Variants in VEPH1 observed in about 807,000 individuals in gnomAD.
VEPH1 encodes the protein ventricular zone expressed PH domain containing 1, also known as ventricular zone-expressed PH domain-containing protein homolog 1.
In VEPH1, 80 loss-of-function variants were observed where a neutral mutation model predicts 85.2. The ratio of observed to expected loss-of-function variants is 0.94; its 90% CI spans 0.78 to 1.13. The LOEUF is 1.13. Ranked by LOEUF, VEPH1 falls within the 50% of genes most tolerant of loss-of-function variation. The pLI is 0.00. For synonymous variants in VEPH1, 297 were observed against 348.0 expected, an observed-to-expected ratio of 0.85 and a Z score of 1.63; for missense variants, 955 against 980.5, an observed-to-expected ratio of 0.97 and a Z score of 0.35.
intron 4 of VEPH1, among the ~76,000 whole-genome samples, chr3:157,446,343 A>G (rs1167086920): frequency 1.3e-5 from 2 of 152,182 alleles, no homozygotes; most frequent in South Asian, 2.1e-4. Context: ...ATGTATGTAT[A>G]TATCTCCAGC....
Position 157,341,188 on chromosome 3 carries a change from G to A in VEPH1, c.1735+22176C>T, listed in dbSNP as rs191068739. ...AAGCTGGATGGAGAATGACTTTGAC[G>A]AGTTGAGAGAAGAAGGCTTCAGATG... On this transcript the variant is annotated intron_variant, in intron 9 of 13. Coordinates refer to ENST00000362010, the MANE Select transcript of VEPH1 (RefSeq NM_001167912.2). Among the ~76,000 whole-genome samples the A allele has an allele frequency of 4.1e-3, 629 of 152,322 alleles. 4 individuals carry two copies. The highest frequency in any genetic ancestry group is 0.014 in the African/African-American group (596 of 41,578).
At chr3:157,354,794 A>G (rs1003978715) in intron 9 of VEPH1, among the ~76,000 whole-genome samples, 3 of 152,104 alleles carry the variant, frequency 2.0e-5, no homozygotes, top group African/African-American at 7.2e-5. Flanking sequence ...TAGGGACTCA[A>G]ATTTTTGTTG....
intron 11 of VEPH1, among the ~76,000 whole-genome samples, chr3:157,310,384 A>G (rs75402792): frequency 8.6e-4 from 131 of 152,284 alleles, no homozygotes; most frequent in Non-Finnish European, 1.7e-3. Flanking sequence ...TCAAGTCTCA[A>G]AACAGTGCTA....
Position 157,495,241 on chromosome 3 carries a change from C to G in VEPH1, c.109G>C (p.Glu37Gln), listed in dbSNP as rs1345533480. Reference protein sequence around the residue: ...EIEDSLTEALEQIKIISSSSD... With the variant: ...EIEDSLTEALQQIKIISSSSD... Reference sequence around the variant, plus strand: ...GATGAGCTAATTATCTTAATTTGCTCCAAAGCTTCTGTAAGGCTGTCTTCA... The same window carrying G: ...GATGAGCTAATTATCTTAATTTGCTGCAAAGCTTCTGTAAGGCTGTCTTCA... The change falls in exon 2 of 14, where the codon GAG (glutamate) becomes CAG (glutamine). Residue 37 changes from glutamate to glutamine, a missense_variant. Physicochemically the swap from Glu to Gln is conservative, Grantham distance 29 (BLOSUM62 2). Coordinates refer to ENST00000362010, the MANE Select transcript of VEPH1 (RefSeq NM_001167912.2). 1 of 1,613,828 alleles carries G rather than the reference C, an allele frequency of 6.2e-7. No individual in the cohort carries two copies. The highest frequency in any genetic ancestry group is 8.5e-7 in the Non-Finnish European group (1 of 1,179,916).
At chr3:157,460,130 CT>C in intron 4 of VEPH1, 50 bp downstream of exon 4, 1 of 1,614,066 alleles carries the variant, frequency 6.2e-7, no homozygotes, top group Non-Finnish European at 8.5e-7. Context: ...GATGAAAATA[CT>C]TTTAAATATC....
At chr3:157,348,289 C>T (rs1012750017) in intron 9 of VEPH1, among the ~76,000 whole-genome samples, 1 of 152,110 alleles carries the variant, frequency 6.6e-6, no homozygotes, top group Non-Finnish European at 1.5e-5. Flanking sequence ...ATTGCTGGAT[C>T]GTATGGTAGT....
intron 11 of VEPH1, among the ~76,000 whole-genome samples, chr3:157,293,234 G>A (rs1717741681): frequency 4.6e-5 from 7 of 152,146 alleles, no homozygotes; most frequent in Admixed American, 4.6e-4. Flanking sequence ...AGGCAGCAGG[G>A]CACTGATGTG....
chr3:157,313,795 C>A, intron 10 of VEPH1, 40 bp from the exon 11 acceptor site: 1 of 1,609,704 alleles, frequency 6.2e-7, no homozygotes, highest in South Asian at 1.1e-5. Context: ...TATACTATGT[C>A]TTGTCCCAAT....
intron 6 of VEPH1, among the ~76,000 whole-genome samples, chr3:157,382,487 A>G (rs1427111709): frequency 6.6e-6 from 1 of 152,224 alleles, no homozygotes; most frequent in Non-Finnish European, 1.5e-5. Context: ...AGAAATAATG[A>G]TATACCATTA....
chr3:157,349,976 C>T (rs1006904958), intron 9 of VEPH1, among the ~76,000 whole-genome samples: 7 of 152,070 alleles, frequency 4.6e-5, no homozygotes, highest in African/African-American at 1.4e-4. Context: ...ACGGAGTCAC[C>T]ATCAAAATGC....
At position 157,495,327 on chromosome 3, in the gene VEPH1, A is replaced by T. The variant is rs1269369382; in HGVS notation, c.23T>A (p.Val8Asp). The T allele has an allele frequency of 2.5e-6, 4 of 1,613,882 alleles. No homozygotes were observed. The African/African-American group carries it at 5.3e-5, about 22-fold the overall frequency. MHQLFRL[V>D]LGQKDLSRAG... ...TCGTGAAAGATCTTTTTGTCCCAAA[A>T]CCAGTCTGAACAGTTGATGCATGGT... The change falls in exon 2 of 14, where the codon GTT becomes GAT. Residue 8 changes from valine to aspartate, a missense_variant. Physicochemically the swap from Val to Asp is radical, Grantham distance 152. Coordinates refer to ENST00000362010, the MANE Select transcript of VEPH1 (RefSeq NM_001167912.2).
At chr3:157,306,031 A>G (rs1719476683) in intron 11 of VEPH1, among the ~76,000 whole-genome samples, 1 of 152,186 alleles carries the variant, frequency 6.6e-6, no homozygotes, top group Non-Finnish European at 1.5e-5. Flanking sequence ...AGTCAAACCT[A>G]CCAATTCTTT....
In VEPH1 at chr3:157,364,351, C is replaced by G. The variant is rs755539373; in HGVS notation, c.1289G>C (p.Ser430Thr). Residue 430 changes from serine to threonine, a missense_variant, in exon 8 of 14, where the codon AGT (serine) becomes ACT (threonine). Coordinates refer to ENST00000362010, the MANE Select transcript of VEPH1 (RefSeq NM_001167912.2). The stretch of plus-strand genomic sequence containing the variant: ...TTCTTCTTTAGAAACTTGGCCCAGA[C>G]TATATCTTCTGATAGAGCCAGGGGT... Reference protein sequence around the residue: ...SNTPGSIRRYSLGQVSKEERK... With the variant: ...SNTPGSIRRYTLGQVSKEERK... The G allele has an allele frequency of 6.2e-7, 1 of 1,613,896 alleles. No homozygotes were observed. Among genetic ancestry groups the G allele is most frequent in the South Asian group, 1.1e-5 (1 of 91,064 alleles).
At chr3:157,326,920 T>C (rs1721966336) in intron 9 of VEPH1, among the ~76,000 whole-genome samples, 1 of 152,204 alleles carries the variant, frequency 6.6e-6, no homozygotes, top group African/African-American at 2.4e-5. Context: ...GGTCACTCTT[T>C]CCTCTGTTAT....
At chr3:157,307,335 G>T (rs527376149) in intron 11 of VEPH1, among the ~76,000 whole-genome samples, 1 of 151,766 alleles carries the variant, frequency 6.6e-6, no homozygotes, top group African/African-American at 2.4e-5. Flanking sequence ...TCTTATCCTG[G>T]AGCTATAAAG....
intron 7 of VEPH1, among the ~76,000 whole-genome samples, chr3:157,379,279 A>G (rs1433457060): frequency 6.6e-6 from 1 of 152,176 alleles, no homozygotes; most frequent in Non-Finnish European, 1.5e-5. Context: ...CATATTATTA[A>G]GCCCTTGTAT....
chr3:157,394,397 T>G (rs889307015), intron 6 of VEPH1, among the ~76,000 whole-genome samples: 2 of 152,222 alleles, frequency 1.3e-5, no homozygotes, highest in African/African-American at 2.4e-5. Flanking sequence ...GACATGGACC[T>G]TGGGCAAGTT....
intron 4 of VEPH1, among the ~76,000 whole-genome samples, chr3:157,449,042 T>A (rs899986360): frequency 2.0e-5 from 3 of 152,174 alleles, no homozygotes; most frequent in Non-Finnish European, 2.9e-5. Flanking sequence ...CCTTCCACCA[T>A]GATTGTGAGG....
chr3:157,354,770 T>C (rs1725246179), intron 9 of VEPH1, among the ~76,000 whole-genome samples: 2 of 152,188 alleles, frequency 1.3e-5, no homozygotes, highest in Admixed American at 6.5e-5. Context: ...ATATCTTCAG[T>C]GCCTAGCAAA....
Sources: gnomAD v4.1 joint callset for allele counts (sites outside exome capture counted in the v4.1 genomes callset) on GRCh38, gnomAD v4.1.1 for gene constraint, MANE v1.5 for transcripts, NCBI Gene and HGNC (gene_info 2026-07-23, HGNC 2026-07-21) for gene names.